The following ADAM23 variants were observed in gnomAD, a reference collection of about 807,000 sequenced individuals.
ADAM23 encodes disintegrin and metalloproteinase domain-containing protein 23.
A neutral mutation model predicts 120.1 loss-of-function variants in ADAM23; 33 were observed. That is an observed-to-expected ratio of 0.27 (90% CI 0.21 to 0.37). The LOEUF is 0.37. ADAM23 is among the 10% of genes least tolerant of loss of function. The pLI is 1.00. For synonymous variants in ADAM23, 367 were observed against 375.2 expected, an observed-to-expected ratio of 0.98 and a Z score of 0.25; for missense variants, 862 against 1,058.2, an observed-to-expected ratio of 0.81 and a Z score of 2.57.
intron 2 of ADAM23, among the ~76,000 whole-genome samples, chr2:206,448,152 T>C (rs1293735948): frequency 6.6e-6 from 1 of 152,234 alleles, no homozygotes; most frequent in East Asian, 1.9e-4. Flanking sequence ...CTGTGCCATT[T>C]TTTAAAGTAG....
intron 17 of ADAM23, 113 bp downstream of exon 17, chr2:206,571,929 A>G (rs1028334660): frequency 6.0e-6 from 5 of 832,688 alleles, no homozygotes; most frequent in South Asian, 1.7e-5. Flanking sequence ...TACAGTGTAC[A>G]TATTAGCCTG....
chr2:206,605,637 A>G (rs1363670773), intron 24 of ADAM23, among the ~76,000 whole-genome samples: 6 of 152,238 alleles, frequency 3.9e-5, no homozygotes, highest in Admixed American at 2.0e-4. Context: ...AATATCTTCA[A>G]TGTGTATGTA....
chr2:206,558,517 G>A (rs1223868376), intron 10 of ADAM23, among the ~76,000 whole-genome samples: 1 of 152,148 alleles, frequency 6.6e-6, no homozygotes, highest in Admixed American at 6.5e-5. Context: ...TAACATGAGT[G>A]GATGTGCGTC....
chr2:206,562,286 A>G lies in ADAM23; in HGVS notation c.1338A>G (p.Arg446=). 1 of 1,613,742 alleles carries G rather than the reference A, an allele frequency of 6.2e-7. No individual in the cohort carries two copies. Among genetic ancestry groups the G allele is most frequent in the Non-Finnish European group, 8.5e-7 (1 of 1,179,694 alleles). Residue 446 remains arginine (R), a synonymous_variant, in exon 13 of 26, where the codon AGA becomes AGG. Coordinates refer to ENST00000264377, the MANE Select transcript of ADAM23 (RefSeq NM_003812.4). ...NLGIQWEPSS[R]KPKCDCTESW... ...GAATCCAATGGGAACCTTCTAGCAG[A>G]AAGCCAAGTATGTACACTGACCTTC... is the stretch of plus-strand genomic sequence containing the variant.
In ADAM23 at chr2:206,542,144, A is replaced by C. The variant is rs1321269244; in HGVS notation, c.656+10A>C. 1 of 1,612,828 alleles carries C rather than the reference A, an allele frequency of 6.2e-7. No homozygotes were observed. The highest frequency in any genetic ancestry group is 1.3e-5 in the African/African-American group (1 of 74,880). ...CCTGCAATGGACTTCAGTAAGTGGG[A>C]ATCTCATTGGCATTTTATTCATTGA... is the stretch of plus-strand genomic sequence containing the variant. On this transcript the variant is annotated intron_variant, in intron 5 of 25. Transcript: ENST00000264377.
rs986564340 is a variant in ADAM23, at chr2:206,444,060, G to T, written c.194G>T (p.Trp65Leu). 4.3e-6 allele frequency: 6 copies of T among 1,384,480 alleles called. No individual in the cohort carries two copies. Among genetic ancestry groups the T allele is most frequent in the Non-Finnish European group, 5.6e-6 (6 of 1,066,598 alleles). 85.8% of individuals were successfully genotyped at this position (1,384,480 alleles called of 1,614,324 possible). A position where few individuals can be genotyped will look rare whatever the true frequency, so the allele number is the denominator to read the frequency against. The change falls in exon 1 of 26, where the codon TGG (tryptophan) becomes TTG (leucine). Residue 65 changes from tryptophan (W) to leucine (L), a missense_variant. Physicochemically the swap from Trp to Leu is moderately conservative, Grantham distance 61. This residue lies in a region of ADAM23 where 225 missense variants were observed against 204.0 expected (regional missense o/e 1.10). Transcript: ENST00000264377. Reference protein sequence around the residue: ...PLAASSRPRAWGAAAPSAPHW... With the variant: ...PLAASSRPRALGAAAPSAPHW... Reference sequence around the variant, plus strand: ...GCCGCCTCGTCCCGGCCCCGCGCCTGGGGGGCTGCTGCGCCCAGCGGTGGG... The same window carrying T: ...GCCGCCTCGTCCCGGCCCCGCGCCTTGGGGGCTGCTGCGCCCAGCGGTGGG...
intron 18 of ADAM23, among the ~76,000 whole-genome samples, chr2:206,583,736 A>G (rs1299710068): frequency 1.3e-5 from 2 of 151,930 alleles, no homozygotes; most frequent in Non-Finnish European, 2.9e-5. Flanking sequence ...TTAAGTTACT[A>G]TTTCCATGAA....
At chr2:206,533,003 A>C (rs1332194121) in intron 4 of ADAM23, among the ~76,000 whole-genome samples, 1 of 152,070 alleles carries the variant, frequency 6.6e-6, no homozygotes, top group African/African-American at 2.4e-5. Flanking sequence ...GTATAAATTC[A>C]TATTCCCACC....
At chr2:206,565,210 C>A in intron 14 of ADAM23, 142 bp downstream of exon 14, 1 of 708,750 alleles carries the variant, frequency 1.4e-6, no homozygotes, top group Non-Finnish European at 2.3e-6. Context: ...TATTTTTAAA[C>A]TGAAAGATCT....
intron 2 of ADAM23, among the ~76,000 whole-genome samples, chr2:206,453,401 A>G (rs948696938): frequency 2.0e-5 from 3 of 152,224 alleles, no homozygotes; most frequent in African/African-American, 7.2e-5. Flanking sequence ...AGTTTTCTAA[A>G]TGAAAATATT....
At chr2:206,571,223 C>T (rs557233326) in intron 16 of ADAM23, among the ~76,000 whole-genome samples, 14 of 152,166 alleles carry the variant, frequency 9.2e-5, no homozygotes, top group Admixed American at 5.2e-4. Context: ...CGCCTGTAAT[C>T]CCAGCACTTT....
chr2:206,590,176 C>T (rs1334477860), intron 21 of ADAM23, among the ~76,000 whole-genome samples: 1 of 152,028 alleles, frequency 6.6e-6, no homozygotes, highest in Admixed American at 6.6e-5. Context: ...CAGCTCACTG[C>T]GACCTCCACC....
intron 3 of ADAM23, among the ~76,000 whole-genome samples, chr2:206,484,392 A>G (rs146000100): frequency 3.3e-5 from 5 of 152,248 alleles, no homozygotes; most frequent in African/African-American, 9.6e-5. Flanking sequence ...GCTATGTGTT[A>G]GTCTTTGTGT....
intron 18 of ADAM23, among the ~76,000 whole-genome samples, chr2:206,585,241 C>T (rs191542713): frequency 5.4e-4 from 82 of 152,226 alleles, no homozygotes; most frequent in African/African-American, 1.7e-3. Flanking sequence ...GCCATGATCC[C>T]GATCACTGGT....
chr2:206,511,985 A>G (rs1017706391), intron 3 of ADAM23, among the ~76,000 whole-genome samples: 6 of 152,214 alleles, frequency 3.9e-5, no homozygotes, highest in Non-Finnish European at 8.8e-5. Flanking sequence ...TTGGATGACA[A>G]GGTAACGAAT....
In ADAM23 at chr2:206,589,422, T is replaced by C. The variant is rs200440020; in HGVS notation, c.1866T>C (p.Ser622=). The stretch of plus-strand genomic sequence containing the variant: ...TATCTCCAAAAGAGGCTGCAGGGTC[T>C]GACAAGTTCTGCTATGAAAAGCTGA... ...QYIWGTKAAG[S]DKFCYEKLNT... Residue 622 remains serine, a synonymous_variant, in exon 21 of 26, where the codon TCT becomes TCC. Transcript: ENST00000264377. The C allele has an allele frequency of 2.9e-5, 46 of 1,613,430 alleles. No homozygotes were observed. Among genetic ancestry groups the C allele is most frequent in the Non-Finnish European group, 3.9e-5 (46 of 1,179,792 alleles).
rs1699040180 is a variant in ADAM23, at chr2:206,620,774, G to A, written c.*3147G>A. 1 of 152,118 alleles carries A rather than the reference G, an allele frequency of 6.6e-6. No homozygotes were observed. Among genetic ancestry groups the A allele is most frequent in the African/African-American group, 2.4e-5 (1 of 41,408 alleles). 9.4% of individuals were successfully genotyped at this position (152,118 alleles called of 1,614,324 possible). On this transcript the variant is annotated 3_prime_UTR_variant, in exon 26 of 26. Coordinates refer to ENST00000264377, the MANE Select transcript of ADAM23 (RefSeq NM_003812.4). ...AGCAGTACACATAAGTGCATGTTAT[G>A]AAACATGAATCACATAGAGCAGTGG...
At chr2:206,602,531 G>T (rs1698657621) in intron 24 of ADAM23, among the ~76,000 whole-genome samples, 1 of 151,990 alleles carries the variant, frequency 6.6e-6, no homozygotes, top group Admixed American at 6.5e-5. Flanking sequence ...AAAGCACTTT[G>T]GTCCATGGAA....
Position 206,619,254 on chromosome 2 carries a change from GTTC to G in ADAM23, c.*1632_*1634del, listed in dbSNP as rs1183956551. On this transcript the variant is annotated 3_prime_UTR_variant, in exon 26 of 26. Transcript: ENST00000264377. ...ATTCTACTATATACAAATCCACATT[GTTC>G]TTCTCCCTCCAGCCAGATTTGCAGA... The G allele has an allele frequency of 6.6e-6, 1 of 152,150 alleles. No homozygotes were observed. The highest frequency in any genetic ancestry group is 1.5e-5 in the Non-Finnish European group (1 of 68,036). 9.4% of individuals were successfully genotyped at this position (152,150 alleles called of 1,614,324 possible). A position where few individuals can be genotyped will look rare whatever the true frequency, so the allele number is the denominator to read the frequency against.
Sources: gnomAD v4.1 joint callset for allele counts (sites outside exome capture counted in the v4.1 genomes callset) on GRCh38, gnomAD v4.1.1 for gene constraint, gnomAD v4.1.1 regional missense constraint, MANE v1.5 for transcripts, NCBI Gene and HGNC (gene_info 2026-07-23, HGNC 2026-07-21) for gene names.